The following CNTN3 variants were observed in gnomAD, a reference collection of about 807,000 sequenced individuals.
CNTN3 encodes the protein contactin-3.
CNTN3 carries 60 observed loss-of-function variants against 119.1 expected under a neutral mutation model. The ratio of observed to expected loss-of-function variants is 0.50; its 90% CI spans 0.41 to 0.62. The LOEUF is 0.62. CNTN3 is among the 20% of genes least tolerant of loss of function. The probability of loss-of-function intolerance (pLI) is 0.00; values close to 1 mark genes in which losing one functional copy is unlikely to be tolerated. For missense variants in CNTN3, 1,101 were observed against 1,242.4 expected, an observed-to-expected ratio of 0.89 and a Z score of 1.71; for synonymous variants, 450 against 438.7, an observed-to-expected ratio of 1.03 and a Z score of -0.32.
At position 74,505,692 on chromosome 3, in the gene CNTN3, GA is replaced by G. The variant is rs369441380; in HGVS notation, c.56-5908del. On this transcript the variant is annotated intron_variant, in intron 2 of 22. Transcript: ENST00000263665. ...AAGCTATACTGTAACCAATGCTCTAGAAAAAAAGAAAAAGGTAATATAATAC... is the reference window on the plus strand; with the variant it reads ...AAGCTATACTGTAACCAATGCTCTAGAAAAAAGAAAAAGGTAATATAATAC... Among the ~76,000 whole-genome samples the G allele has an allele frequency of 7.9e-4, 119 of 151,294 alleles. 3 individuals are homozygous for G. In the East Asian group the frequency reaches 0.022, roughly 28 times the overall value.
intron 5 of CNTN3, among the ~76,000 whole-genome samples, chr3:74,384,234 C>A (rs769626824): frequency 6.6e-6 from 1 of 152,090 alleles, no homozygotes; most frequent in African/African-American, 2.4e-5. Flanking sequence ...CTATATTTAC[C>A]GGAAACAAAC....
intron 4 of CNTN3, among the ~76,000 whole-genome samples, chr3:74,435,634 G>A (rs1426339752): frequency 6.6e-6 from 1 of 152,118 alleles, no homozygotes; most frequent in Non-Finnish European, 1.5e-5. Flanking sequence ...TTAATAGATG[G>A]ATGGCTTTGC....
At chr3:74,559,881 G>A (rs758896821) in intron 1 of CNTN3, among the ~76,000 whole-genome samples, 7 of 152,120 alleles carry the variant, frequency 4.6e-5, no homozygotes, top group Non-Finnish European at 1.0e-4. Flanking sequence ...TCTAATGTGT[G>A]ATGAAATCAT....
At position 74,375,467 on chromosome 3, in the gene CNTN3, C is replaced by T. The variant is rs147920107; in HGVS notation, c.455-4068G>A. 1.2e-3 allele frequency among the ~76,000 whole-genome samples: 183 copies of T among 152,134 alleles called. 1 individual carries two copies. Among genetic ancestry groups the T allele is most frequent in the Non-Finnish European group, 1.9e-3 (127 of 68,012 alleles). ...ATGCCTGAAACCTGAAAATATGTTA[C>T]TTGACATGACAAGGGGTAATCCACA... On this transcript the variant is annotated intron_variant, in intron 5 of 22. Coordinates refer to ENST00000263665, the MANE Select transcript of CNTN3 (RefSeq NM_020872.3).
chr3:74,294,678 C>T (rs1702299971), intron 19 of CNTN3, among the ~76,000 whole-genome samples: 1 of 152,142 alleles, frequency 6.6e-6, no homozygotes, highest in African/African-American at 2.4e-5. Flanking sequence ...ACAGAGAGGT[C>T]TTTGAAGGCT....
chr3:74,439,402 G>A (rs1339866432), intron 4 of CNTN3, among the ~76,000 whole-genome samples: 1 of 126,518 alleles, frequency 7.9e-6, no homozygotes, highest in Non-Finnish European at 1.8e-5. Flanking sequence ...AGCTACTCAG[G>A]AGGCTGAGGC....
intron 1 of CNTN3, among the ~76,000 whole-genome samples, chr3:74,557,836 G>C (rs1319714754): frequency 6.6e-6 from 1 of 152,034 alleles, no homozygotes; most frequent in Non-Finnish European, 1.5e-5. Flanking sequence ...TGCAGAGATA[G>C]AGTATTTTGT....
rs116805946 is a variant in CNTN3, at chr3:74,435,647, G to T, written c.359-10707C>A. Among the ~76,000 whole-genome samples, 1,366 of 152,290 alleles carry T rather than the reference G, an allele frequency of 9.0e-3. 20 individuals are homozygous for T. The highest frequency in any genetic ancestry group is 0.031 in the African/African-American group (1,298 of 41,568). ...AATTAATAGATGGATGGCTTTGCTA[G>T]ACACTGTGATAGAGATTTTCTTGAA... is the stretch of plus-strand genomic sequence containing the variant. On this transcript the variant is annotated intron_variant, in intron 4 of 22. Transcript: ENST00000263665.
Position 74,416,914 on chromosome 3 carries a change from G to A in CNTN3, c.454+7931C>T, listed in dbSNP as rs6769202. On this transcript the variant is annotated intron_variant, in intron 5 of 22. Transcript: ENST00000263665. ...GAGGCATGAGAATTGCTTGAACCCGGGAGGTGGAGGTTGCAGTGAGCCAAG... is the reference window on the plus strand; with the variant it reads ...GAGGCATGAGAATTGCTTGAACCCGAGAGGTGGAGGTTGCAGTGAGCCAAG... Among the ~76,000 whole-genome samples, 797 of 152,122 alleles carry A rather than the reference G, an allele frequency of 5.2e-3. 8 individuals are homozygous for A. The highest frequency in any genetic ancestry group is 0.019 in the African/African-American group (771 of 41,488).
At position 74,514,140 on chromosome 3, in the gene CNTN3, C is replaced by A. The variant is rs113995674; in HGVS notation, c.55+6918G>T. Among the ~76,000 whole-genome samples the A allele has an allele frequency of 1.9e-3, 283 of 152,058 alleles. 1 individual carries two copies. The highest frequency in any genetic ancestry group is 3.3e-3 in the Non-Finnish European group (223 of 67,984). On this transcript the variant is annotated intron_variant, in intron 2 of 22. Transcript: ENST00000263665. ...TATTCACCAATATTTCAGCCTTAAC[C>A]GTCTAACATGAAATCACATGTGCAT...
chr3:74,374,919 C>A (rs1338239402), intron 5 of CNTN3, among the ~76,000 whole-genome samples: 1 of 152,102 alleles, frequency 6.6e-6, no homozygotes, highest in African/African-American at 2.4e-5. Flanking sequence ...CTTGAACAAC[C>A]ATTCAATGCA....
intron 5 of CNTN3, among the ~76,000 whole-genome samples, chr3:74,384,686 C>A (rs1406454501): frequency 3.9e-5 from 6 of 152,070 alleles, no homozygotes; most frequent in African/African-American, 1.4e-4. Flanking sequence ...ATATAAAGAT[C>A]TTTTCTGTCA....
chr3:74,285,551 G>A, intron 19 of CNTN3, 60 bp from the exon 20 acceptor site: 1 of 1,496,226 alleles, frequency 6.7e-7, no homozygotes. Context: ...TTTCCATTAA[G>A]TGATTTTCAT....
intron 13 of CNTN3, among the ~76,000 whole-genome samples, chr3:74,330,079 G>C (rs1703224639): frequency 6.6e-6 from 1 of 152,114 alleles, no homozygotes; most frequent in African/African-American, 2.4e-5. Flanking sequence ...GAGCTGCCTG[G>C]GCCTAGTGCC....
At chr3:74,547,342 C>T (rs1434154235) in intron 1 of CNTN3, among the ~76,000 whole-genome samples, 2 of 152,094 alleles carry the variant, frequency 1.3e-5, no homozygotes, top group East Asian at 3.8e-4. Flanking sequence ...TGTATTCAAC[C>T]TTTTCCAATG....
intron 13 of CNTN3, among the ~76,000 whole-genome samples, chr3:74,326,008 C>T (rs1703120220): frequency 6.6e-6 from 1 of 152,118 alleles, no homozygotes; most frequent in Admixed American, 6.5e-5. Flanking sequence ...ATTGTTTAAA[C>T]TGAGATCTGA....
At position 74,511,326 on chromosome 3, in the gene CNTN3, A is replaced by G. The variant is rs114941607; in HGVS notation, c.55+9732T>C. ...ATGGATGTCAGCAAGAAATTCACAT[A>G]TAATTACTTGCAAAATAAGTTGATT... is the stretch of plus-strand genomic sequence containing the variant. On this transcript the variant is annotated intron_variant, in intron 2 of 22. Transcript: ENST00000263665. Among the ~76,000 whole-genome samples, 565 of 152,212 alleles carry G rather than the reference A, an allele frequency of 3.7e-3. 1 individual carries two copies. The highest frequency in any genetic ancestry group is 0.013 in the African/African-American group (539 of 41,560).
intron 1 of CNTN3, among the ~76,000 whole-genome samples, chr3:74,589,287 G>A (rs1704655678): frequency 6.6e-6 from 1 of 152,206 alleles, no homozygotes; most frequent in South Asian, 2.1e-4. Flanking sequence ...GCATCAAAAA[G>A]TGGGCAAAGG....
At chr3:74,334,625 T>A (rs1703343970) in intron 13 of CNTN3, 110 bp downstream of exon 13, 1 of 998,860 alleles carries the variant, frequency 1.0e-6, no homozygotes, top group Non-Finnish European at 1.5e-6. Flanking sequence ...CCAAAACCAC[T>A]TATTTAGAAA....
Sources: allele counts gnomAD v4.1 joint callset (sites outside exome capture counted in the v4.1 genomes callset), GRCh38; gene constraint gnomAD v4.1.1; transcripts MANE v1.5; gene names NCBI Gene and HGNC (gene_info 2026-07-23, HGNC 2026-07-21).